Variants in LRRC4B observed in about 807,000 individuals in gnomAD.
LRRC4B encodes leucine rich repeat containing 4B.
Under a neutral mutation model 7.3 loss-of-function variants are expected in LRRC4B, and 1 was observed. That is an observed-to-expected ratio of 0.14 (90% CI 0.05 to 0.65). The LOEUF (loss-of-function observed/expected upper bound fraction) is 0.65. LRRC4B is among the 30% of genes least tolerant of loss of function. The pLI is 0.84. For synonymous variants in LRRC4B, 500 were observed against 499.2 expected (o/e 1.00, Z -0.02); for missense variants, 730 against 1,041.6 (o/e 0.70, Z 4.12).
chr19:50,517,328 C>T lies in LRRC4B; in HGVS notation c.*243G>A, dbSNP rs553710596. 8.1e-6 allele frequency: 3 copies of T among 369,412 alleles called. No homozygotes were observed. The highest frequency in any genetic ancestry group is 6.8e-4 in the Middle Eastern group (1 of 1,460). 22.9% of individuals were successfully genotyped at this position (369,412 alleles called of 1,614,324 possible). On this transcript the variant is annotated 3_prime_UTR_variant, in exon 3 of 3. Transcript: ENST00000652263. This position sits in a 1 kb window ranked among gnomAD's most constrained non-coding sequence, Gnocchi z 6.6. ...CCACTTCTCCTGGGTCCCACGTCCC[C>T]TCCCGTCACCGGGGATTGGCGGGGG...
Position 50,548,953 on chromosome 19 carries a change from G to A in LRRC4B, c.-35-80C>T, listed in dbSNP as rs911764262. 3 of 766,010 alleles carry A rather than the reference G, an allele frequency of 3.9e-6. No individual in the cohort carries two copies. In the African/African-American group the frequency reaches 5.3e-5, roughly 14 times the overall value. 47.5% of individuals were successfully genotyped at this position (766,010 alleles called of 1,614,324 possible). Reference sequence around the variant, plus strand: ...GGCCTGGGTGCTTGCCAACACCCAGGCAGCCCCATCGCCGCCTCCCTGCCC... The same window carrying A: ...GGCCTGGGTGCTTGCCAACACCCAGACAGCCCCATCGCCGCCTCCCTGCCC... On this transcript the variant is annotated intron_variant, in intron 1 of 2. Coordinates refer to ENST00000652263, the MANE Select transcript of LRRC4B (RefSeq NM_001080457.2). This position sits in a 1 kb window ranked among gnomAD's most constrained non-coding sequence, Gnocchi z 6.8.
rs1982178673 is a variant in LRRC4B at position 50,553,737 on chromosome 19, G to T, written c.-35-4864C>A. Among the ~76,000 whole-genome samples, 1 of 152,124 alleles carries T rather than the reference G, an allele frequency of 6.6e-6. No homozygotes were observed. Among genetic ancestry groups the T allele is most frequent in the Non-Finnish European group, 1.5e-5 (1 of 68,022 alleles). On this transcript the variant is annotated intron_variant, in intron 1 of 2. Coordinates refer to ENST00000652263, the MANE Select transcript of LRRC4B (RefSeq NM_001080457.2). The surrounding 1 kb of genome is among the most constrained non-coding windows in gnomAD (Gnocchi z 4.2). ...GAGGGCAGTCAGTTTGTGACTATTT[G>T]GTTCCCAGGACCCACAACAGTGCTG...
chr19:50,531,123 C>A (rs1275830773), intron 2 of LRRC4B, among the ~76,000 whole-genome samples: 1 of 152,208 alleles, frequency 6.6e-6, no homozygotes. Flanking sequence ...AGGGTTTGAG[C>A]CCTGGGCCTC....
rs555213084 is a variant in LRRC4B at position 50,559,653 on chromosome 19, C to T, written c.-36+8291G>A. Reference sequence around the variant, plus strand: ...GGGAGGGGCGTGGCCCCCGCCAGCTCCACTCATAGGGGTCCTGCCTAGGAA... The same window carrying T: ...GGGAGGGGCGTGGCCCCCGCCAGCTTCACTCATAGGGGTCCTGCCTAGGAA... On this transcript the variant is annotated intron_variant, in intron 1 of 2. Coordinates refer to ENST00000652263, the MANE Select transcript of LRRC4B (RefSeq NM_001080457.2). 3.3e-5 allele frequency among the ~76,000 whole-genome samples: 5 copies of T among 152,336 alleles called. No individual in the cohort carries two copies. In the South Asian group the frequency reaches 1.0e-3, roughly 32 times the overall value.
chr19:50,561,359 C>G (rs1982455780), intron 1 of LRRC4B, among the ~76,000 whole-genome samples: 1 of 152,132 alleles, frequency 6.6e-6, no homozygotes, highest in South Asian at 2.1e-4. Flanking sequence ...ATGGGGAGTC[C>G]TTTCCCTTCT....
chr19:50,564,545 G>A (rs1982565051), intron 1 of LRRC4B, among the ~76,000 whole-genome samples: 1 of 152,004 alleles, frequency 6.6e-6, no homozygotes, highest in Non-Finnish European at 1.5e-5. Flanking sequence ...AAAGACTGAT[G>A]AATGAGTCCA....
chr19:50,548,647 G>A lies in LRRC4B; in HGVS notation c.192C>T (p.Ser64=), dbSNP rs1189584161. 1.3e-6 allele frequency: 2 copies of A among 1,577,278 alleles called. No homozygotes were observed. Among genetic ancestry groups the A allele is most frequent in the Non-Finnish European group, 1.7e-6 (2 of 1,164,348 alleles). The change falls in exon 2 of 3, where the codon AGC becomes AGT. Residue 64 remains serine, a synonymous_variant. Transcript: ENST00000652263. This position sits in a 1 kb window ranked among gnomAD's most constrained non-coding sequence, Gnocchi z 6.8. ...TGCAGATCACCCGGCTGGCCTGGTT[G>A]CTGCAGGAGCAGGCCACGGGGCAGG... ...ATSCPVACSC[S]NQASRVICTR...
chr19:50,525,383 G>A (rs966006377), intron 2 of LRRC4B, among the ~76,000 whole-genome samples: 4 of 151,562 alleles, frequency 2.6e-5, no homozygotes, highest in South Asian at 2.1e-4. Flanking sequence ...ACTGAAAGGC[G>A]GCTCTTAGGG....
At chr19:50,564,593 G>T (rs1301065972) in intron 1 of LRRC4B, among the ~76,000 whole-genome samples, 2 of 152,084 alleles carry the variant, frequency 1.3e-5, no homozygotes, top group Non-Finnish European at 2.9e-5. Flanking sequence ...AAGACATTGG[G>T]GGCTGGGAGG....
At chr19:50,550,301 C>A (rs1302374177) in intron 1 of LRRC4B, among the ~76,000 whole-genome samples, 1 of 152,122 alleles carries the variant, frequency 6.6e-6, no homozygotes, top group African/African-American at 2.4e-5. Context: ...TCTCTGAGTA[C>A]ACACAAATAC....
rs757015005 is a variant in LRRC4B at position 50,518,278 on chromosome 19, C to T, written c.1435G>A (p.Gly479Arg). 5 of 1,599,982 alleles carry T rather than the reference C, an allele frequency of 3.1e-6. No homozygotes were observed. In the African/African-American group the frequency reaches 4.0e-5, roughly 13 times the overall value. Residue 479 changes from glycine to arginine, a missense_variant, in exon 3 of 3, where the codon GGG becomes AGG. By Grantham distance (125) the Gly-to-Arg change is moderately radical. This residue lies in a region of LRRC4B where 192 missense variants were observed against 228.6 expected (regional missense o/e 0.84). Transcript: ENST00000652263. Reference protein sequence around the residue: ...GGPGGSGGVGGGSGGYTYFTT... With the variant: ...GGPGGSGGVGRGSGGYTYFTT... ...AAGTAGGTGTAGCCGCCACTGCCCC[C>T]TCCAACACCACCACTGCCCCCAGGG...
At chr19:50,528,660 A>AGGCTTCTGCT (rs1329603079) in intron 2 of LRRC4B, among the ~76,000 whole-genome samples, 2 of 152,102 alleles carry the variant, frequency 1.3e-5, no homozygotes, top group African/African-American at 4.8e-5. Context: ...TTTTCTTAAT[A>AGGCTTCTGCT]GGCTTCTGCC....
chr19:50,519,781 G>C lies in LRRC4B; in HGVS notation c.298-366C>G, dbSNP rs933630245. On this transcript the variant is annotated intron_variant, in intron 2 of 2. Coordinates refer to ENST00000652263, the MANE Select transcript of LRRC4B (RefSeq NM_001080457.2). This position sits in a 1 kb window ranked among gnomAD's most constrained non-coding sequence, Gnocchi z 8.1. ...CCAGCTACTCGGGAGGCTGAGGCAC[G>C]AGAATCACTTGAACCCAGGAGGCGG... Among the ~76,000 whole-genome samples the C allele has an allele frequency of 3.3e-5, 5 of 152,142 alleles. No homozygotes were observed. Among genetic ancestry groups the C allele is most frequent in the African/African-American group, 1.2e-4 (5 of 41,438 alleles).
At chr19:50,560,532 TATTCC>T (rs1982428605) in intron 1 of LRRC4B, among the ~76,000 whole-genome samples, 1 of 152,240 alleles carries the variant, frequency 6.6e-6, no homozygotes, top group Admixed American at 6.5e-5. Context: ...TCAGTGAACT[TATTCC>T]AGGATCCAGA....
intron 1 of LRRC4B, among the ~76,000 whole-genome samples, chr19:50,561,571 C>CA (rs1317104413): frequency 2.0e-5 from 3 of 151,942 alleles, no homozygotes; most frequent in Non-Finnish European, 4.4e-5. Context: ...CCCCTCTCTA[C>CA]AAAAAATACA....
intron 2 of LRRC4B, among the ~76,000 whole-genome samples, chr19:50,524,181 A>AAAT (rs1180403745): frequency 6.6e-6 from 1 of 152,212 alleles, no homozygotes; most frequent in Non-Finnish European, 1.5e-5. Flanking sequence ...CAGAATCATA[A>AAAT]AATAATAATA....
At chr19:50,527,300 G>A (rs1730069182) in intron 2 of LRRC4B, among the ~76,000 whole-genome samples, 1 of 151,542 alleles carries the variant, frequency 6.6e-6, no homozygotes, top group African/African-American at 2.4e-5. Flanking sequence ...CCAAAGTGCT[G>A]GGATTACAGG....
intron 2 of LRRC4B, among the ~76,000 whole-genome samples, chr19:50,539,103 C>T (rs935950795): frequency 6.6e-6 from 1 of 151,956 alleles, no homozygotes; most frequent in Non-Finnish European, 1.5e-5. Context: ...TGGTCTCGAA[C>T]TCCTGACCTT....
At chr19:50,561,818 G>C (rs765650723) in intron 1 of LRRC4B, among the ~76,000 whole-genome samples, 2 of 151,842 alleles carry the variant, frequency 1.3e-5, no homozygotes, top group Non-Finnish European at 2.9e-5. Context: ...TTTTATGGCC[G>C]AGTGCAGTGG....
Sources: gnomAD v4.1 joint callset for allele counts (sites outside exome capture counted in the v4.1 genomes callset) on GRCh38, gnomAD v4.1.1 for gene constraint, gnomAD v4.1.1 regional missense constraint, Gnocchi (gnomAD v3.1) non-coding constraint, MANE v1.5 for transcripts, NCBI Gene and HGNC (gene_info 2026-07-23, HGNC 2026-07-21) for gene names.